Variants in SKAP2 observed in about 807,000 individuals in gnomAD.
SKAP2 encodes the protein src kinase-associated phosphoprotein 2.
A neutral mutation model predicts 54.9 loss-of-function variants in SKAP2; 28 were observed. The ratio of observed to expected loss-of-function variants is 0.51; its 90% CI spans 0.38 to 0.70. SKAP2 has a LOEUF of 0.70. Ranked by LOEUF, SKAP2 falls within the 30% of genes least tolerant of loss-of-function variation. SKAP2 has a pLI of 0.00. For missense variants in SKAP2, 356 were observed against 424.1 expected, an observed-to-expected ratio of 0.84 and a Z score of 1.41; for synonymous variants, 137 against 134.3, an observed-to-expected ratio of 1.02 and a Z score of -0.14.
chr7:26,742,310 A>T (rs756429186), intron 4 of SKAP2: 1 of 152,168 alleles, frequency 6.6e-6, no homozygotes, highest in Non-Finnish European at 1.5e-5. Context: ...AATCTTAAGA[A>T]AAGTTAAATT....
intron 10 of SKAP2, 63 bp from the exon 11 acceptor site, chr7:26,684,911 T>C: frequency 5.3e-6 from 5 of 940,398 alleles, no homozygotes; most frequent in Non-Finnish European, 8.5e-6. Context: ...CATTTCAAAA[T>C]TAACCAGTAG....
intron 4 of SKAP2, among the ~76,000 whole-genome samples, chr7:26,740,320 T>C (rs1189928547): frequency 1.3e-5 from 2 of 152,206 alleles, no homozygotes; most frequent in Admixed American, 6.5e-5. Context: ...ATTAACTCTT[T>C]AAAAATTTCA....
intron 4 of SKAP2, among the ~76,000 whole-genome samples, chr7:26,773,665 T>C (rs912650788): frequency 6.6e-6 from 1 of 152,190 alleles, no homozygotes; most frequent in African/African-American, 2.4e-5. Flanking sequence ...GAGTCATTAT[T>C]CAATGAACAA....
intron 9 of SKAP2, 111 bp from the exon 10 acceptor site, chr7:26,690,473 T>C (rs1786758222): frequency 1.6e-6 from 1 of 644,352 alleles, no homozygotes; most frequent in African/African-American, 1.9e-5. Flanking sequence ...ATAAACATTA[T>C]TTTTCAAAGA....
chr7:26,806,579 C>G (rs1164177660), intron 4 of SKAP2, among the ~76,000 whole-genome samples: 1 of 152,138 alleles, frequency 6.6e-6, no homozygotes, highest in African/African-American at 2.4e-5. Context: ...AAAGCCAAGA[C>G]AGACTGAAAG....
At chr7:26,678,533 C>T (rs918628713) in intron 11 of SKAP2, among the ~76,000 whole-genome samples, 3 of 151,364 alleles carry the variant, frequency 2.0e-5, no homozygotes, top group African/African-American at 4.9e-5. Flanking sequence ...CTCTACTTCC[C>T]GGGTTCAAGT....
At chr7:26,728,385 T>C (rs550176457) in intron 6 of SKAP2, among the ~76,000 whole-genome samples, 14 of 152,290 alleles carry the variant, frequency 9.2e-5, no homozygotes, top group African/African-American at 3.4e-4. Context: ...ATTAAACTTC[T>C]ATAAGAAAAA....
At chr7:26,789,966 G>A (rs566976247) in intron 4 of SKAP2, among the ~76,000 whole-genome samples, 3 of 152,192 alleles carry the variant, frequency 2.0e-5, no homozygotes, top group South Asian at 2.1e-4. Context: ...GTAATCAAAG[G>A]GCACAGCTGC....
intron 11 of SKAP2, among the ~76,000 whole-genome samples, chr7:26,680,234 A>C (rs1786461541): frequency 6.6e-6 from 1 of 152,242 alleles, no homozygotes; most frequent in Non-Finnish European, 1.5e-5. Context: ...GAAATCCAGA[A>C]GAGCAAGATA....
At chr7:26,737,636 A>C (rs1787971668) in intron 6 of SKAP2, among the ~76,000 whole-genome samples, 1 of 152,224 alleles carries the variant, frequency 6.6e-6, no homozygotes, top group African/African-American at 2.4e-5. Flanking sequence ...ATTCAGTGAT[A>C]CTTTTGCCTT....
intron 9 of SKAP2, among the ~76,000 whole-genome samples, chr7:26,701,551 G>A (rs762536706): frequency 6.6e-6 from 1 of 151,910 alleles, no homozygotes; most frequent in Non-Finnish European, 1.5e-5. Flanking sequence ...TGACCAATAT[G>A]GTGAAACCCC....
At chr7:26,774,257 G>A (rs1441134471) in intron 4 of SKAP2, among the ~76,000 whole-genome samples, 1 of 152,118 alleles carries the variant, frequency 6.6e-6, no homozygotes, top group Non-Finnish European at 1.5e-5. Context: ...AAGTTGCAGT[G>A]AGCCAAGACT....
At chr7:26,821,069 G>A (rs13438514) in intron 4 of SKAP2, among the ~76,000 whole-genome samples, 32,317 of 152,070 alleles carry the variant, frequency 0.21, 3,516 homozygotes, top group Non-Finnish European at 0.24. Flanking sequence ...CTGTGCATTT[G>A]ACGACAACAG....
intron 4 of SKAP2, among the ~76,000 whole-genome samples, chr7:26,818,747 A>G (rs1350221239): frequency 6.6e-6 from 1 of 152,138 alleles, no homozygotes; most frequent in Admixed American, 6.5e-5. Context: ...CAACCCCATC[A>G]AAAAGGGGGT....
chr7:26,731,222 T>C (rs1787818874), intron 6 of SKAP2, among the ~76,000 whole-genome samples: 1 of 152,194 alleles, frequency 6.6e-6, no homozygotes, highest in African/African-American at 2.4e-5. Flanking sequence ...ACTTGCTATA[T>C]AGGAATCTCT....
At chr7:26,666,108 A>G (rs1044264044), downstream of SKAP2, among the ~76,000 whole-genome samples, 1 of 151,974 alleles carries the variant, frequency 6.6e-6, no homozygotes, top group Admixed American at 6.6e-5. Flanking sequence ...TACCATGTGG[A>G]TTGCTTTCAA....
intron 4 of SKAP2, among the ~76,000 whole-genome samples, chr7:26,743,469 T>A (rs929450074): frequency 5.3e-5 from 8 of 152,148 alleles, no homozygotes; most frequent in Admixed American, 5.2e-4. Context: ...AGATTTCCCT[T>A]TACTTAAATG....
At chr7:26,791,188 A>C (rs1469170545) in intron 4 of SKAP2, among the ~76,000 whole-genome samples, 1 of 152,226 alleles carries the variant, frequency 6.6e-6, no homozygotes, top group African/African-American at 2.4e-5. Flanking sequence ...AAAAAGAAAT[A>C]ATAATGGTTT....
At chr7:26,726,281 A>G (rs1041568910) in intron 7 of SKAP2, among the ~76,000 whole-genome samples, 1 of 152,174 alleles carries the variant, frequency 6.6e-6, no homozygotes, top group Non-Finnish European at 1.5e-5. Flanking sequence ...CTTGACAATT[A>G]GAAGACACCC....
Sources: gnomAD v4.1 joint callset for allele counts (sites outside exome capture counted in the v4.1 genomes callset) on GRCh38, gnomAD v4.1.1 for gene constraint, MANE v1.5 for transcripts, NCBI Gene and HGNC (gene_info 2026-07-23, HGNC 2026-07-21) for gene names.